The following FBLN1 variants were observed in gnomAD, a reference collection of about 807,000 sequenced individuals.
FBLN1 encodes fibulin-1.
Under a neutral mutation model 89.7 loss-of-function variants are expected in FBLN1, and 34 were observed. The observed-to-expected ratio is 0.38, with a 90% CI of 0.29 to 0.50. The LOEUF (loss-of-function observed/expected upper bound fraction) is 0.50. Ranked by LOEUF, FBLN1 falls within the 20% of genes least tolerant of loss-of-function variation. The probability of loss-of-function intolerance (pLI) is 0.92; values close to 1 mark genes in which losing one functional copy is unlikely to be tolerated. For synonymous variants in FBLN1, 393 were observed against 391.3 expected (o/e 1.00, Z -0.05); for missense variants, 777 against 988.1 (o/e 0.79, Z 2.86).
chr22:45,595,043 T>C (rs1247260001), intron 16 of FBLN1, among the ~76,000 whole-genome samples: 1 of 152,178 alleles, frequency 6.6e-6, no homozygotes, highest in African/African-American at 2.4e-5. Context: ...CATGAAGTCC[T>C]CCCTAGCCAC....
At chr22:45,533,021 C>T in intron 5 of FBLN1, 42 bp from the exon 6 acceptor site, 1 of 1,568,304 alleles carries the variant, frequency 6.4e-7, no homozygotes, top group Non-Finnish European at 8.8e-7. Context: ...CAGGCGGTGC[C>T]TGGGTGCGTC....
intron 1 of FBLN1, among the ~76,000 whole-genome samples, chr22:45,513,857 G>A (rs2088134376): frequency 6.6e-6 from 1 of 151,962 alleles, no homozygotes; most frequent in African/African-American, 2.4e-5. Flanking sequence ...GCAGTGGCGT[G>A]ATCTTGGCTC....
At position 45,575,335 on chromosome 22, in the gene FBLN1, T is replaced by G. The variant is rs1315357690; in HGVS notation, c.1840+682T>G. ...TGAAAGGGGGAGAAGGGGAGGAGGG[T>G]GCCCAGTGGAGCAGGACATGGCCAG... On this transcript the variant is annotated intron_variant, in intron 15 of 16. Transcript: ENST00000327858. This position sits in a 1 kb window ranked among gnomAD's most constrained non-coding sequence, Gnocchi z 6.3. Among the ~76,000 whole-genome samples the G allele has an allele frequency of 6.6e-6, 1 of 150,730 alleles. No individual in the cohort carries two copies. Among genetic ancestry groups the G allele is most frequent in the Non-Finnish European group, 1.5e-5 (1 of 67,712 alleles).
intron 8 of FBLN1, among the ~76,000 whole-genome samples, chr22:45,539,521 G>A (rs981027599): frequency 6.6e-6 from 1 of 152,072 alleles, no homozygotes; most frequent in African/African-American, 2.4e-5. Flanking sequence ...CTTGAGTGGG[G>A]AGGAAGGAAT....
Position 45,510,494 on chromosome 22 carries a change from G to T in FBLN1, c.79+7430G>T, listed in dbSNP as rs534973580. Among the ~76,000 whole-genome samples the T allele has an allele frequency of 2.6e-4, 40 of 152,112 alleles. No homozygotes were observed. In the South Asian group the frequency reaches 3.7e-3, roughly 14 times the overall value. ...ATCAGAAGCAGACTCCAGGCCTCCC[G>T]GTTCCCAGCCCCCAGTCTCCCCTCT... On this transcript the variant is annotated intron_variant, in intron 1 of 16. Coordinates refer to ENST00000327858, the MANE Select transcript of FBLN1 (RefSeq NM_006486.3).
intron 14 of FBLN1, among the ~76,000 whole-genome samples, chr22:45,571,674 T>TA (rs1371515446): frequency 6.6e-6 from 1 of 152,168 alleles, no homozygotes; most frequent in Non-Finnish European, 1.5e-5. Flanking sequence ...AGAGATTAAT[T>TA]AAAAAACCAT....
chr22:45,565,139 C>T, intron 14 of FBLN1: 3 of 1,580,896 alleles, frequency 1.9e-6, no homozygotes, highest in South Asian at 2.2e-5. Flanking sequence ...TTGCACCAGC[C>T]TCGAGTCTCC....
intron 14 of FBLN1, among the ~76,000 whole-genome samples, chr22:45,553,743 C>T (rs1314932880): frequency 1.3e-5 from 2 of 152,052 alleles, no homozygotes; most frequent in Non-Finnish European, 2.9e-5. Context: ...TGTGTGGGGT[C>T]GGAGGGGGAG....
In FBLN1 at chr22:45,590,789, G is replaced by A. The variant is rs544237729; in HGVS notation, c.1973-9518G>A. 1.3e-5 allele frequency among the ~76,000 whole-genome samples: 2 copies of A among 152,262 alleles called. No homozygotes were observed. Among genetic ancestry groups the A allele is most frequent in the African/African-American group, 2.4e-5 (1 of 41,558 alleles). ...GCGACTCCAAGTTCCTGGCTTGGGG[G>A]TACCTGCCTGGAGAGTGAGGGGTAG... On this transcript the variant is annotated intron_variant, in intron 16 of 16. Coordinates refer to ENST00000327858, the MANE Select transcript of FBLN1 (RefSeq NM_006486.3). The surrounding 1 kb of genome is among the most constrained non-coding windows in gnomAD (Gnocchi z 4.1).
intron 7 of FBLN1, among the ~76,000 whole-genome samples, chr22:45,534,944 C>T (rs561389046): frequency 1.7e-4 from 26 of 152,098 alleles, no homozygotes; most frequent in Non-Finnish European, 3.2e-4. Context: ...CAGGAAAATG[C>T]CAGGGTGATT....
chr22:45,600,485 C>T lies in FBLN1; in HGVS notation c.*39C>T, dbSNP rs772662119. ...GCACAGCCGCAGGTGCACCTCCAGG[C>T]CAAATCATTGCTGCCAGTGACTGTG... On this transcript the variant is annotated 3_prime_UTR_variant, in exon 17 of 17. Coordinates refer to ENST00000327858, the MANE Select transcript of FBLN1 (RefSeq NM_006486.3). The T allele has an allele frequency of 6.2e-7, 1 of 1,613,134 alleles. No homozygotes were observed. Among genetic ancestry groups the T allele is most frequent in the Non-Finnish European group, 8.5e-7 (1 of 1,179,110 alleles).
In FBLN1 at chr22:45,577,622, C is replaced by T. The variant is rs746515393; in HGVS notation, c.1972+514C>T. On this transcript the variant is annotated intron_variant, in intron 16 of 16. Coordinates refer to ENST00000327858, the MANE Select transcript of FBLN1 (RefSeq NM_006486.3). The surrounding 1 kb of genome is among the most constrained non-coding windows in gnomAD (Gnocchi z 6.6). ...TTGAGCAGTAGTCGTCCCCTCCCTA[C>T]GCATCAGTTGGTAAGAGGACCAAGG... is the stretch of plus-strand genomic sequence containing the variant. Among the ~76,000 whole-genome samples the T allele has an allele frequency of 6.6e-5, 10 of 152,224 alleles. No homozygotes were observed. The highest frequency in any genetic ancestry group is 1.2e-4 in the Non-Finnish European group (8 of 68,052).
chr22:45,568,546 T>C (rs73173332), intron 14 of FBLN1, among the ~76,000 whole-genome samples: 48,596 of 92,130 alleles, frequency 0.53, 15,179 homozygotes, highest in Middle Eastern at 0.65. Flanking sequence ...AGGGGAATGC[T>C]CCTTCTGTAG....
At chr22:45,533,633 G>A (rs962366753) in intron 6 of FBLN1, 128 bp from the exon 7 acceptor site, 2 of 1,025,642 alleles carry the variant, frequency 1.9e-6, no homozygotes, top group Non-Finnish European at 3.0e-6. Context: ...TGCACATGGT[G>A]GACCTGAGCT....
chr22:45,591,324 C>T (rs1045131693), intron 16 of FBLN1, among the ~76,000 whole-genome samples: 3 of 152,000 alleles, frequency 2.0e-5, no homozygotes, highest in Non-Finnish European at 4.4e-5. Flanking sequence ...CGAAGCACTG[C>T]AGAAATGTTA....
intron 6 of FBLN1, among the ~76,000 whole-genome samples, 160 bp from the exon 7 acceptor site, chr22:45,533,601 C>T (rs557409816): frequency 3.9e-5 from 6 of 152,332 alleles, no homozygotes; most frequent in Admixed American, 1.3e-4. Flanking sequence ...CTTTCGACTC[C>T]GTGCAGTCCA....
At chr22:45,571,111 C>CAAAAAAAA (rs542647353) in intron 14 of FBLN1, among the ~76,000 whole-genome samples, 121 of 70,778 alleles carry the variant, frequency 1.7e-3, no homozygotes, top group African/African-American at 1.9e-3. Flanking sequence ...ACAAGAGTCT[C>CAAAAAAAA]AAAAAAAAAA....
Position 45,537,271 on chromosome 22 carries a change from GGA to G in FBLN1, c.922+1942_922+1943del, listed in dbSNP as rs753930828. Among the ~76,000 whole-genome samples, 1 of 152,176 alleles carries G rather than the reference GGA, an allele frequency of 6.6e-6. No homozygotes were observed. Among genetic ancestry groups the G allele is most frequent in the Non-Finnish European group, 1.5e-5 (1 of 68,030 alleles). On this transcript the variant is annotated intron_variant, in intron 8 of 16. Coordinates refer to ENST00000327858, the MANE Select transcript of FBLN1 (RefSeq NM_006486.3). The surrounding 1 kb of genome is among the most constrained non-coding windows in gnomAD (Gnocchi z 5.7). ...GATCATTTATTTGAAATAGTGGTTT[GGA>G]GAGAGAGCTCTTCCCCCACTGCATT... is the stretch of plus-strand genomic sequence containing the variant.
rs564594449 is a variant in FBLN1 at position 45,559,960 on chromosome 22, C to T, written c.1697+9345C>T. ...CAAGTCTGGAAATTGATTGAGGGGCCGTGATTCTCTTTTTTTGTAATTCAA... is the reference window on the plus strand; with the variant it reads ...CAAGTCTGGAAATTGATTGAGGGGCTGTGATTCTCTTTTTTTGTAATTCAA... On this transcript the variant is annotated intron_variant, in intron 14 of 16. Coordinates refer to ENST00000327858, the MANE Select transcript of FBLN1 (RefSeq NM_006486.3). Among the ~76,000 whole-genome samples, 8 of 152,236 alleles carry T rather than the reference C, an allele frequency of 5.3e-5. No individual in the cohort carries two copies. In the South Asian group the frequency reaches 8.3e-4, roughly 16 times the overall value.
Sources: allele counts gnomAD v4.1 joint callset (sites outside exome capture counted in the v4.1 genomes callset), GRCh38; gene constraint gnomAD v4.1.1; non-coding constraint Gnocchi (gnomAD v3.1); transcripts MANE v1.5; gene names NCBI Gene and HGNC (gene_info 2026-07-23, HGNC 2026-07-21).